The following DESI2 variants were observed in gnomAD, a reference collection of about 807,000 sequenced individuals.
The protein encoded by DESI2 is desumoylating isopeptidase 2.
A neutral mutation model predicts 24.1 loss-of-function variants in DESI2; 10 were observed. The ratio of observed to expected loss-of-function variants is 0.41; its 90% CI spans 0.26 to 0.70. The LOEUF is 0.70. Among genes scored for constraint, DESI2 ranks in the 30% least tolerant of loss-of-function variants. DESI2 has a pLI of 0.29. For synonymous variants in DESI2, 71 were observed against 87.7 expected (o/e 0.81, Z 1.06); for missense variants, 122 against 234.9 (o/e 0.52, Z 3.14).
intron 1 of DESI2, among the ~76,000 whole-genome samples, chr1:244,682,702 A>G (rs977438919): frequency 2.0e-5 from 3 of 152,250 alleles, no homozygotes; most frequent in Admixed American, 2.0e-4. Flanking sequence ...AGCCACGCAG[A>G]CAATTTGCAA....
Position 244,653,681 on chromosome 1 carries a change from T to G in DESI2, c.42+326T>G, listed in dbSNP as rs1675543783. On this transcript the variant is annotated intron_variant, in intron 1 of 4. Coordinates refer to ENST00000302550, the MANE Select transcript of DESI2 (RefSeq NM_016076.5). ...AGTGTCCTTTCGGCAAAGCTTCCGT[T>G]GCGTTTCCAACCCCACTTGCCGGCC... The G allele has an allele frequency of 9.1e-6, 4 of 441,982 alleles. No individual in the cohort carries two copies. The South Asian group carries it at 9.5e-5, about 11-fold the overall frequency. The allele number at this position is 441,982 out of a possible 1,614,324, so 27.4% of individuals were successfully genotyped here.
intron 4 of DESI2, among the ~76,000 whole-genome samples, chr1:244,704,504 A>G (rs1037416190): frequency 3.3e-5 from 5 of 151,796 alleles, no homozygotes; most frequent in African/African-American, 1.2e-4. Context: ...GCAACTATAG[A>G]AGCAGCAGAT....
At chr1:244,679,510 A>T (rs1676527709) in intron 1 of DESI2, among the ~76,000 whole-genome samples, 1 of 152,240 alleles carries the variant, frequency 6.6e-6, no homozygotes, top group Admixed American at 6.5e-5. Context: ...TCACACACAG[A>T]TCACATAGAA....
In DESI2 at chr1:244,683,056, C is replaced by A. The variant is rs1449396796; in HGVS notation, c.43-3541C>A. ...TGGAGGGTCAGTGGATGGAAAATTT[C>A]TAAGAGGAAACATTAGGGATCCAGG... On this transcript the variant is annotated intron_variant, in intron 1 of 4. Coordinates refer to ENST00000302550, the MANE Select transcript of DESI2 (RefSeq NM_016076.5). 2.0e-5 allele frequency among the ~76,000 whole-genome samples: 3 copies of A among 152,046 alleles called. No individual in the cohort carries two copies. The East Asian group carries it at 5.8e-4, about 29-fold the overall frequency.
chr1:244,666,614 A>G (rs1482578785), intron 1 of DESI2, among the ~76,000 whole-genome samples: 4 of 152,238 alleles, frequency 2.6e-5, no homozygotes, highest in Non-Finnish European at 4.4e-5. Flanking sequence ...ATAAGTGAAC[A>G]AGAACTGTTT....
chr1:244,671,067 T>C (rs1676227264), intron 1 of DESI2, among the ~76,000 whole-genome samples: 1 of 152,202 alleles, frequency 6.6e-6, no homozygotes, highest in Non-Finnish European at 1.5e-5. Flanking sequence ...ATGGTTTACA[T>C]AGGTAGTTGA....
chr1:244,692,157 A>G (rs1677052084), intron 4 of DESI2, 137 bp downstream of exon 4: 2 of 752,974 alleles, frequency 2.7e-6, no homozygotes, highest in African/African-American at 1.8e-5. Flanking sequence ...TTGTATTTCA[A>G]TCTTGTATGA....
At chr1:244,688,108 A>G (rs1415782545) in intron 2 of DESI2, among the ~76,000 whole-genome samples, 1 of 152,228 alleles carries the variant, frequency 6.6e-6, no homozygotes, top group Non-Finnish European at 1.5e-5. Context: ...AAAATTATTT[A>G]GTAATAATTA....
chr1:244,706,024 T>G lies in DESI2; in HGVS notation c.*235T>G, dbSNP rs770001445. On this transcript the variant is annotated 3_prime_UTR_variant, in exon 5 of 5. Transcript: ENST00000302550. The stretch of plus-strand genomic sequence containing the variant: ...TTTTTATCCACTCGTAAATCTGGAT[T>G]TATTTCTTCTGTTTTATACAAGCTC... 2 of 508,916 alleles carry G rather than the reference T, an allele frequency of 3.9e-6. No individual in the cohort carries two copies. Among genetic ancestry groups the G allele is most frequent in the East Asian group, 3.5e-5 (1 of 28,558 alleles). The allele number at this position is 508,916 out of a possible 1,614,324, so 31.5% of individuals were successfully genotyped here.
At chr1:244,691,385 G>A (rs1035029563) in intron 3 of DESI2, among the ~76,000 whole-genome samples, 2 of 152,178 alleles carry the variant, frequency 1.3e-5, no homozygotes, top group Admixed American at 6.5e-5. Context: ...CGCCATACCC[G>A]GCCAGGGTCC....
At chr1:244,673,551 A>T (rs924406111) in intron 1 of DESI2, among the ~76,000 whole-genome samples, 5 of 152,234 alleles carry the variant, frequency 3.3e-5, no homozygotes, top group Admixed American at 1.3e-4. Flanking sequence ...TGCAGCCTGT[A>T]ATTTAAGAAG....
chr1:244,654,881 G>C (rs1022112503), intron 1 of DESI2, among the ~76,000 whole-genome samples: 3 of 152,168 alleles, frequency 2.0e-5, no homozygotes, highest in Non-Finnish European at 4.4e-5. Flanking sequence ...AGATCACAGT[G>C]TGCCTTTTCT....
chr1:244,664,064 T>G (rs890139442), intron 1 of DESI2, among the ~76,000 whole-genome samples: 2 of 138,926 alleles, frequency 1.4e-5, no homozygotes, highest in African/African-American at 5.3e-5. Flanking sequence ...AACTTAACAA[T>G]GGGGTGGTTA....
chr1:244,677,630 G>GC (rs550212127), intron 1 of DESI2, among the ~76,000 whole-genome samples: 145 of 152,254 alleles, frequency 9.5e-4, no homozygotes, highest in African/African-American at 3.3e-3. Context: ...ATGAGTCTGG[G>GC]CACAGTACTG....
intron 4 of DESI2, among the ~76,000 whole-genome samples, chr1:244,702,516 A>AAAAT (rs373155154): frequency 1.4e-3 from 212 of 152,190 alleles, no homozygotes; most frequent in African/African-American, 4.0e-3. Flanking sequence ...TCCATCTCAA[A>AAAAT]AAATAAATAA....
intron 4 of DESI2, among the ~76,000 whole-genome samples, chr1:244,701,851 T>C (rs187064082): frequency 6.6e-6 from 1 of 152,356 alleles, no homozygotes. Flanking sequence ...GGATGTACCA[T>C]AATTTATTCA....
chr1:244,702,262 C>T (rs1407603629), intron 4 of DESI2, among the ~76,000 whole-genome samples: 2 of 152,126 alleles, frequency 1.3e-5, no homozygotes, highest in Admixed American at 1.3e-4. Flanking sequence ...GCCTGTAATC[C>T]CGACACTTTG....
intron 4 of DESI2, among the ~76,000 whole-genome samples, chr1:244,703,352 C>CT (rs1162562641): frequency 6.6e-6 from 1 of 151,782 alleles, no homozygotes; most frequent in South Asian, 2.1e-4. Flanking sequence ...CATATACATT[C>CT]TTTTTTGTTT....
intron 1 of DESI2, among the ~76,000 whole-genome samples, chr1:244,658,046 A>G (rs1675708610): frequency 6.6e-6 from 1 of 152,150 alleles, no homozygotes; most frequent in Admixed American, 6.5e-5. Context: ...TACTTTCTGG[A>G]TATTATTTAA....
Sources: allele counts gnomAD v4.1 joint callset (sites outside exome capture counted in the v4.1 genomes callset), GRCh38; gene constraint gnomAD v4.1.1; transcripts MANE v1.5; gene names NCBI Gene and HGNC (gene_info 2026-07-23, HGNC 2026-07-21).